The following ALPK1 variants were observed in gnomAD, a reference collection of about 807,000 sequenced individuals.
ALPK1 encodes alpha-protein kinase 1.
ALPK1 carries 110 observed loss-of-function variants against 120.6 expected under a neutral mutation model. The observed-to-expected ratio is 0.91, with a 90% CI of 0.78 to 1.07. The LOEUF is 1.07. Among genes scored for constraint, ALPK1 ranks in the 50% least tolerant of loss-of-function variants. The pLI, the probability that ALPK1 is intolerant of heterozygous loss-of-function variation, is 0.00. For missense variants in ALPK1, 1,498 were observed against 1,483.9 expected (o/e 1.01, Z -0.16); for synonymous variants, 582 against 560.3 (o/e 1.04, Z -0.55).
chr4:112,432,657 G>A, intron 11 of ALPK1, 76 bp downstream of exon 11: 1 of 1,392,924 alleles, frequency 7.2e-7, no homozygotes, highest in Non-Finnish European at 9.8e-7. Flanking sequence ...TTGGTATGTA[G>A]ATCACTTAAA....
intron 12 of ALPK1, among the ~76,000 whole-genome samples, chr4:112,436,266 A>G (rs985845360): frequency 3.3e-5 from 5 of 149,610 alleles, no homozygotes; most frequent in Non-Finnish European, 5.9e-5. Flanking sequence ...TAATTCAATT[A>G]ATCTTCACAA....
At position 112,417,512 on chromosome 4, in the gene ALPK1, G is replaced by A. The variant is rs538374076; in HGVS notation, c.475+5487G>A. On this transcript the variant is annotated intron_variant, in intron 5 of 15. Transcript: ENST00000650871. ...TTTGTTTTTATTTTTTGGGGGACAC[G>A]ATCTCACTCTGTTACCCAGGCTAGA... 7.9e-5 allele frequency among the ~76,000 whole-genome samples: 12 copies of A among 152,170 alleles called. No individual in the cohort carries two copies. The East Asian group carries it at 1.4e-3, about 17-fold the overall frequency.
chr4:112,404,611 C>G (rs1172406021), intron 4 of ALPK1, among the ~76,000 whole-genome samples: 1 of 152,198 alleles, frequency 6.6e-6, no homozygotes, highest in Non-Finnish European at 1.5e-5. Flanking sequence ...CATGTCTCTA[C>G]TGCATATACC....
intron 2 of ALPK1, among the ~76,000 whole-genome samples, chr4:112,370,049 T>C (rs757220410): frequency 6.6e-6 from 1 of 152,218 alleles, no homozygotes; most frequent in Non-Finnish European, 1.5e-5. Flanking sequence ...AGTCATTTTA[T>C]TTTCCTTGAC....
chr4:112,359,046 AGGCAGC>A, intron 2 of ALPK1: 1 of 761,180 alleles, frequency 1.3e-6, no homozygotes, highest in East Asian at 2.5e-5. Context: ...CATTCCCCAA[AGGCAGC>A]GGACACAGCC....
At chr4:112,366,183 A>G (rs1037121904) in intron 2 of ALPK1, among the ~76,000 whole-genome samples, 1 of 152,190 alleles carries the variant, frequency 6.6e-6, no homozygotes, top group Non-Finnish European at 1.5e-5. Flanking sequence ...AGAAAATCAA[A>G]TGCAACAAAA....
intron 4 of ALPK1, among the ~76,000 whole-genome samples, chr4:112,408,568 G>A (rs566157480): frequency 6.6e-6 from 1 of 151,898 alleles, no homozygotes; most frequent in African/African-American, 2.4e-5. Flanking sequence ...CCTCCTCCTG[G>A]GTTTAAGTGA....
At position 112,439,883 on chromosome 4, in the gene ALPK1, C is replaced by A; in HGVS notation, c.3538+11C>A. On this transcript the variant is annotated intron_variant, in intron 14 of 15. Coordinates refer to ENST00000650871, the MANE Select transcript of ALPK1 (RefSeq NM_025144.4). ...TGGTCGATTTACAAGGTATGTGAAA[C>A]TGGGAATTATTTTTATTTTTAATAT... The A allele has an allele frequency of 6.4e-7, 1 of 1,565,618 alleles. No homozygotes were observed. The highest frequency in any genetic ancestry group is 1.2e-5 in the South Asian group (1 of 80,832).
chr4:112,362,991 T>C (rs570812253), intron 2 of ALPK1, among the ~76,000 whole-genome samples: 1 of 152,300 alleles, frequency 6.6e-6, no homozygotes, highest in East Asian at 1.9e-4. Context: ...AAATTAAGCT[T>C]CATAAATGAA....
intron 2 of ALPK1, among the ~76,000 whole-genome samples, chr4:112,377,051 G>A (rs1310165700): frequency 2.6e-5 from 4 of 151,988 alleles, no homozygotes; most frequent in East Asian, 1.9e-4. Flanking sequence ...TTGTATATAC[G>A]TTAAATGACA....
In ALPK1 at chr4:112,308,966, A is replaced by G. The variant is rs910213112; in HGVS notation, c.-152-6835A>G. Among the ~76,000 whole-genome samples, 8 of 152,142 alleles carry G rather than the reference A, an allele frequency of 5.3e-5. 1 individual carries two copies. The highest frequency in any genetic ancestry group is 1.3e-4 in the Admixed American group (2 of 15,276). On this transcript the variant is annotated intron_variant, in intron 1 of 15. Coordinates refer to ENST00000650871, the MANE Select transcript of ALPK1 (RefSeq NM_025144.4). ...TCTGTTTGTTAGTTTTCCTTCTAACAGTCAGGACCCTCAGCTGCAGGTCTG... is the reference window on the plus strand; with the variant it reads ...TCTGTTTGTTAGTTTTCCTTCTAACGGTCAGGACCCTCAGCTGCAGGTCTG...
intron 4 of ALPK1, among the ~76,000 whole-genome samples, chr4:112,401,458 A>G (rs1732911093): frequency 6.6e-6 from 1 of 152,232 alleles, no homozygotes; most frequent in Non-Finnish European, 1.5e-5. Flanking sequence ...AATGCTGTCA[A>G]AATGGTACAT....
intron 4 of ALPK1, chr4:112,384,925 G>A (rs557398649): frequency 6.6e-6 from 1 of 152,342 alleles, no homozygotes; most frequent in South Asian, 2.1e-4. Flanking sequence ...TTACTTGCTT[G>A]GAGATCCCTT....
chr4:112,318,227 G>C (rs544937547), intron 2 of ALPK1, among the ~76,000 whole-genome samples: 24 of 152,254 alleles, frequency 1.6e-4, no homozygotes, highest in African/African-American at 5.8e-4. Context: ...TGGGAACCTA[G>C]GTATGAATTA....
intron 3 of ALPK1, 109 bp from the exon 4 acceptor site, chr4:112,382,289 C>CTTTTTTTTTTTTT: frequency 1.5e-6 from 1 of 669,998 alleles, no homozygotes; most frequent in Non-Finnish European, 2.3e-6. Context: ...AGGTTTTTCT[C>CTTTTTTTTTTTTT]TTTTTTTTTT....
rs997362967 is a variant in ALPK1 at position 112,307,085 on chromosome 4, T to A, written c.-152-8716T>A. On this transcript the variant is annotated intron_variant, in intron 1 of 15. Transcript: ENST00000650871. Reference sequence around the variant, plus strand: ...TTTGAGTGAGTTTCTTAATCCTGAGTTTTAGTTTGATTGCACTGTGGTCTG... The same window carrying A: ...TTTGAGTGAGTTTCTTAATCCTGAGATTTAGTTTGATTGCACTGTGGTCTG... 2.6e-5 allele frequency among the ~76,000 whole-genome samples: 4 copies of A among 152,090 alleles called. No individual in the cohort carries two copies. The South Asian group carries it at 6.2e-4, about 24-fold the overall frequency.
rs1320016402 is a variant in ALPK1, at chr4:112,382,906, G to T, written c.276+354G>T. ...AATGCTACTTTCTAAAAGTTAGGTA[G>T]CTTAAAAAAGTAAATGCACCCTTGT... On this transcript the variant is annotated intron_variant, in intron 4 of 15. Coordinates refer to ENST00000650871, the MANE Select transcript of ALPK1 (RefSeq NM_025144.4). 3 of 252,970 alleles carry T rather than the reference G, an allele frequency of 1.2e-5. No homozygotes were observed. In the Admixed American group the frequency reaches 1.5e-4, roughly 12 times the overall value. 15.7% of individuals were successfully genotyped at this position (252,970 alleles called of 1,614,324 possible). A position where few individuals can be genotyped will look rare whatever the true frequency, so the allele number is the denominator to read the frequency against.
chr4:112,424,809 A>G (rs1734165195), intron 6 of ALPK1, among the ~76,000 whole-genome samples: 1 of 152,180 alleles, frequency 6.6e-6, no homozygotes, highest in South Asian at 2.1e-4. Context: ...ATTCAAAGCT[A>G]GGAAGAAAAT....
intron 2 of ALPK1, among the ~76,000 whole-genome samples, chr4:112,326,725 C>T (rs1729134502): frequency 6.6e-6 from 1 of 152,204 alleles, no homozygotes; most frequent in Non-Finnish European, 1.5e-5. Context: ...TGACAGAACT[C>T]CAACTTGAGG....
Sources: gnomAD v4.1 joint callset for allele counts (sites outside exome capture counted in the v4.1 genomes callset) on GRCh38, gnomAD v4.1.1 for gene constraint, MANE v1.5 for transcripts, NCBI Gene and HGNC (gene_info 2026-07-23, HGNC 2026-07-21) for gene names.